Variants in TCERG1 observed in about 807,000 individuals in gnomAD.
TCERG1 encodes the protein TATA box binding protein (TBP)-associated factor, RNA polymerase II, S, 150kD.
In TCERG1, 37 loss-of-function variants were observed where a neutral mutation model predicts 144.7. That is an observed-to-expected ratio of 0.26 (90% confidence interval 0.20 to 0.34). The LOEUF (loss-of-function observed/expected upper bound fraction) is 0.34, where lower values mean the gene tolerates loss of function less well. TCERG1 is among the 10% of genes least tolerant of loss of function. TCERG1 has a pLI of 1.00. For synonymous variants in TCERG1, 492 were observed against 458.2 expected, an observed-to-expected ratio of 1.07 and a Z score of -0.94; for missense variants, 1,027 against 1,380.7, an observed-to-expected ratio of 0.74 and a Z score of 4.06.
At chr5:146,457,378 G>A in intron 3 of TCERG1, 43 bp downstream of exon 3, 1 of 1,535,788 alleles carries the variant, frequency 6.5e-7, no homozygotes, top group Non-Finnish European at 8.8e-7. Context: ...GTTGACAGAG[G>A]AGTAAAACTT....
At chr5:146,455,752 C>G (rs1762769696) in intron 2 of TCERG1, among the ~76,000 whole-genome samples, 2 of 152,274 alleles carry the variant, frequency 1.3e-5, no homozygotes, top group Admixed American at 1.3e-4. Context: ...TTTATAAGCA[C>G]ATAGTTGAAT....
chr5:146,451,197 G>A (rs892462499), intron 1 of TCERG1, among the ~76,000 whole-genome samples: 12 of 152,188 alleles, frequency 7.9e-5, no homozygotes, highest in South Asian at 6.2e-4. Flanking sequence ...GTCTTTCCTT[G>A]GTGATTATCT....
At chr5:146,485,304 T>G (rs1254973495) in intron 15 of TCERG1, among the ~76,000 whole-genome samples, 1 of 152,210 alleles carries the variant, frequency 6.6e-6, no homozygotes, top group Non-Finnish European at 1.5e-5. Flanking sequence ...TTGCCTTTTC[T>G]AATTTCTTTA....
chr5:146,453,123 A>G (rs1234745089), intron 1 of TCERG1, among the ~76,000 whole-genome samples: 1 of 152,156 alleles, frequency 6.6e-6, no homozygotes, highest in Non-Finnish European at 1.5e-5. Flanking sequence ...AGAGATAGAT[A>G]ATACTATCTC....
rs1279901067 is a variant in TCERG1 at position 146,498,358 on chromosome 5, A to G, written c.2283-178A>G. Among the ~76,000 whole-genome samples, 4 of 151,312 alleles carry G rather than the reference A, an allele frequency of 2.6e-5. No individual in the cohort carries two copies. The Middle Eastern group carries it at 0.01, about 386-fold the overall frequency. On this transcript the variant is annotated intron_variant, in intron 16 of 22. Transcript: ENST00000679501. ...GATAGCATACAAATCCCTTAACCACATTTTTGCTCATTACCTCTTTTTACT... is the reference window on the plus strand; with the variant it reads ...GATAGCATACAAATCCCTTAACCACGTTTTTGCTCATTACCTCTTTTTACT...
chr5:146,453,660 G>A (rs1387408205), intron 1 of TCERG1, among the ~76,000 whole-genome samples: 2 of 151,912 alleles, frequency 1.3e-5, no homozygotes, highest in African/African-American at 2.4e-5. Context: ...GTTATTGGCC[G>A]AGCGTGGTGG....
intron 5 of TCERG1, among the ~76,000 whole-genome samples, chr5:146,467,043 AATAAAATTAT>A (rs1763855042): frequency 6.6e-6 from 1 of 152,216 alleles, no homozygotes; most frequent in Non-Finnish European, 1.5e-5. Flanking sequence ...CATTAGGGAA[AATAAAATTAT>A]ACATATAACT....
intron 1 of TCERG1, among the ~76,000 whole-genome samples, chr5:146,451,690 T>A (rs1316818181): frequency 1.3e-5 from 2 of 150,816 alleles, no homozygotes; most frequent in African/African-American, 4.9e-5. Context: ...CAAATTTGAT[T>A]AAATATACTT....
chr5:146,454,583 T>G (rs1246375046), intron 1 of TCERG1, among the ~76,000 whole-genome samples: 1 of 152,056 alleles, frequency 6.6e-6, no homozygotes, highest in African/African-American at 2.4e-5. Flanking sequence ...TTTTTTTTGT[T>G]TTTTTGGTTG....
intron 16 of TCERG1, among the ~76,000 whole-genome samples, chr5:146,495,037 A>G (rs191493784): frequency 3.3e-5 from 5 of 152,328 alleles, no homozygotes; most frequent in African/African-American, 9.6e-5. Context: ...AAAGTGTCAG[A>G]TATTTTACCT....
chr5:146,460,331 CT>C (rs1018311437), intron 4 of TCERG1, among the ~76,000 whole-genome samples: 3 of 150,380 alleles, frequency 2.0e-5, no homozygotes, highest in South Asian at 2.1e-4. Flanking sequence ...GGGTTTCTTT[CT>C]TTTTTTCTTT....
chr5:146,500,822 T>G (rs980724934), intron 17 of TCERG1, among the ~76,000 whole-genome samples: 1 of 152,108 alleles, frequency 6.6e-6, no homozygotes, highest in South Asian at 2.1e-4. Flanking sequence ...GCCTAGGCAA[T>G]ATAGCAAGAC....
intron 3 of TCERG1, among the ~76,000 whole-genome samples, chr5:146,458,520 T>G (rs1021015665): frequency 5.9e-5 from 9 of 151,982 alleles, no homozygotes; most frequent in Admixed American, 5.9e-4. Flanking sequence ...TCACCCAGGC[T>G]GGAGTGCAGT....
intron 17 of TCERG1, among the ~76,000 whole-genome samples, chr5:146,501,392 A>C (rs1767434745): frequency 6.6e-6 from 1 of 152,172 alleles, no homozygotes; most frequent in African/African-American, 2.4e-5. Flanking sequence ...AATATCCACA[A>C]TGAAAGGAAG....
chr5:146,458,262 C>T (rs896803002), intron 3 of TCERG1, among the ~76,000 whole-genome samples: 6 of 150,734 alleles, frequency 4.0e-5, no homozygotes, highest in African/African-American at 1.5e-4. Flanking sequence ...CTGCAACCTC[C>T]GCCTCCCGGG....
intron 1 of TCERG1, among the ~76,000 whole-genome samples, chr5:146,449,097 A>C (rs970133782): frequency 6.6e-6 from 1 of 152,156 alleles, no homozygotes; most frequent in Admixed American, 6.5e-5. Context: ...AGCATTTCTC[A>C]TGAAATTAGG....
intron 13 of TCERG1, 192 bp downstream of exon 13, chr5:146,481,392 G>C (rs1285014317): frequency 5.9e-6 from 1 of 168,624 alleles, no homozygotes; most frequent in African/African-American, 2.4e-5. Flanking sequence ...ATTATTATAA[G>C]AGGGTATATT....
chr5:146,482,829 G>T, intron 14 of TCERG1, 102 bp downstream of exon 14: 3 of 1,328,970 alleles, frequency 2.3e-6, no homozygotes, highest in Non-Finnish European at 2.9e-6. Context: ...ATGTTATGGG[G>T]GGGGATAAGG....
chr5:146,510,281 C>T, intron 22 of TCERG1, 160 bp from the exon 23 acceptor site: 4 of 681,326 alleles, frequency 5.9e-6, no homozygotes, highest in Non-Finnish European at 9.1e-6. Context: ...TTTGCTGAGG[C>T]GACTTACAAA....
Sources: allele counts gnomAD v4.1 joint callset (sites outside exome capture counted in the v4.1 genomes callset), GRCh38; gene constraint gnomAD v4.1.1; transcripts MANE v1.5; gene names NCBI Gene and HGNC (gene_info 2026-07-23, HGNC 2026-07-21).